PDE1C: variants seen among roughly 807,000 people sequenced by gnomAD.
PDE1C encodes phosphodiesterase 1C, also known as dual specificity calcium/calmodulin-dependent 3',5'-cyclic nucleotide phosphodiesterase 1C.
PDE1C carries 62 observed loss-of-function variants against 93.1 expected under a neutral mutation model. That is an observed-to-expected ratio of 0.67 (90% CI 0.54 to 0.82). PDE1C has a LOEUF of 0.82. Among genes scored for constraint, PDE1C ranks in the 40% least tolerant of loss-of-function variants. PDE1C has a pLI of 0.00. For synonymous variants in PDE1C, 325 were observed against 310.1 expected (o/e 1.05, Z -0.50); for missense variants, 742 against 884.6 (o/e 0.84, Z 2.04).
At chr7:31,948,152 C>A (rs1380013385) in intron 2 of PDE1C, among the ~76,000 whole-genome samples, 1 of 151,782 alleles carries the variant, frequency 6.6e-6, no homozygotes, top group Non-Finnish European at 1.5e-5. Context: ...GCTCACCAAG[C>A]AACAACTTGA....
At chr7:31,694,776 G>A in the PDE1C span, among the ~76,000 whole-genome samples, 1 of 152,070 alleles carries the variant, frequency 6.6e-6, no homozygotes, top group African/African-American at 2.4e-5. Flanking sequence ...TGATCAGATT[G>A]GATTCATTAC....
intron 1 of PDE1C, among the ~76,000 whole-genome samples, chr7:32,277,040 C>G (rs1221180116): frequency 1.3e-5 from 2 of 152,034 alleles, no homozygotes; most frequent in African/African-American, 4.8e-5. Context: ...ATCGCTTGAG[C>G]CCAGGAGTTA....
rs73308516 is a variant in PDE1C, at chr7:32,295,364, A to C, written c.85+3287T>G. Among the ~76,000 whole-genome samples, 833 of 152,118 alleles carry C rather than the reference A, an allele frequency of 5.5e-3. 1 individual carries two copies. The highest frequency in any genetic ancestry group is 0.019 in the African/African-American group (787 of 41,478). Reference sequence around the variant, plus strand: ...TCAGGGCAGATGTGGTTTGAATCCAACTCTGCCACCTAGCTGTGTGCCTTC... The same window carrying C: ...TCAGGGCAGATGTGGTTTGAATCCACCTCTGCCACCTAGCTGTGTGCCTTC... On this transcript the variant is annotated intron_variant, in intron 1 of 18. Transcript: ENST00000396193.
chr7:32,346,687 A>G (rs900597864), intron 1 of PDE1C, among the ~76,000 whole-genome samples: 4 of 152,240 alleles, frequency 2.6e-5, no homozygotes, highest in East Asian at 1.9e-4. Flanking sequence ...GGGACCTGGC[A>G]TCTTCATTTT....
rs1584610070 is a variant in PDE1C at position 32,051,644 on chromosome 7, A to T, written c.102-64T>A. On this transcript the variant is annotated intron_variant, in intron 1 of 17. Transcript: ENST00000396191. ...GTGGCAGGCAGTGGGTAAGAAAGGG[A>T]TTACTTCAGTGGGGATGGGCATGGG... 2.1e-6 allele frequency: 3 copies of T among 1,404,140 alleles called. No homozygotes were observed. The South Asian group carries it at 3.5e-5, about 16-fold the overall frequency. 87.0% of individuals were successfully genotyped at this position (1,404,140 alleles called of 1,614,324 possible).
At chr7:32,081,972 A>C (rs1211194677) in intron 3 of PDE1C, among the ~76,000 whole-genome samples, 1 of 152,218 alleles carries the variant, frequency 6.6e-6, no homozygotes, top group Non-Finnish European at 1.5e-5. Flanking sequence ...CATCTGAGGT[A>C]CCAGGTTCAT....
chr7:31,886,869 C>CA (rs1421145169), intron 2 of PDE1C, among the ~76,000 whole-genome samples: 1,086 of 149,856 alleles, frequency 7.2e-3, no homozygotes, highest in African/African-American at 0.014. Context: ...TAGATCTATT[C>CA]GGATCTATTC....
intron 3 of PDE1C, among the ~76,000 whole-genome samples, chr7:32,145,124 C>G (rs1409711146): frequency 6.6e-6 from 1 of 152,220 alleles, no homozygotes; most frequent in African/African-American, 2.4e-5. Context: ...ATGGTAGAAT[C>G]TGTTATAAGA....
chr7:31,796,301 A>G (rs1292369168), intron 16 of PDE1C, among the ~76,000 whole-genome samples: 1 of 151,566 alleles, frequency 6.6e-6, no homozygotes, highest in African/African-American at 2.4e-5. Flanking sequence ...GTGTACATAT[A>G]TATGTGTATG....
At chr7:31,939,206 C>G (rs542383027) in intron 2 of PDE1C, among the ~76,000 whole-genome samples, 7 of 151,834 alleles carry the variant, frequency 4.6e-5, no homozygotes, top group African/African-American at 1.2e-4. Context: ...GTTAAACACA[C>G]AGAGAGAGAG....
At chr7:32,187,192 C>T (rs1803939394) in intron 2 of PDE1C, among the ~76,000 whole-genome samples, 1 of 152,008 alleles carries the variant, frequency 6.6e-6, no homozygotes, top group Admixed American at 6.5e-5. Flanking sequence ...CAAGGTCTCA[C>T]TATGTCACCC....
chr7:32,317,243 T>C (rs1348817134), intron 1 of PDE1C, among the ~76,000 whole-genome samples: 1 of 152,212 alleles, frequency 6.6e-6, no homozygotes, highest in African/African-American at 2.4e-5. Context: ...GTTTTCTTTA[T>C]TCTCAACTCA....
chr7:32,046,001 G>A (rs1252091810), intron 2 of PDE1C, among the ~76,000 whole-genome samples: 1 of 152,168 alleles, frequency 6.6e-6, no homozygotes, highest in Non-Finnish European at 1.5e-5. Flanking sequence ...GGTTCATCAA[G>A]TGTGATTACT....
chr7:32,330,704 G>A (rs985291212), intron 1 of PDE1C, among the ~76,000 whole-genome samples: 9 of 152,132 alleles, frequency 5.9e-5, no homozygotes, highest in African/African-American at 1.7e-4. Context: ...GCCATGATTC[G>A]CTTCACTCTG....
chr7:31,946,798 G>A (rs200472194), intron 2 of PDE1C, among the ~76,000 whole-genome samples: 10 of 152,172 alleles, frequency 6.6e-5, no homozygotes, highest in East Asian at 3.9e-4. Flanking sequence ...GGACTTTGTC[G>A]CCCCCATGGC....
intron 1 of PDE1C, among the ~76,000 whole-genome samples, chr7:32,313,050 T>C (rs1031664335): frequency 6.7e-6 from 1 of 149,966 alleles, no homozygotes; most frequent in African/African-American, 2.5e-5. Flanking sequence ...CTCAAACAAA[T>C]TTACAAGAAA....
intron 1 of PDE1C, among the ~76,000 whole-genome samples, chr7:32,383,866 G>C (rs1784577792): frequency 6.6e-6 from 1 of 152,164 alleles, no homozygotes; most frequent in Non-Finnish European, 1.5e-5. Context: ...TGAAAGCCTT[G>C]GCAAGTTGCT....
At chr7:32,317,759 G>A (rs1338885309) in intron 1 of PDE1C, among the ~76,000 whole-genome samples, 1 of 152,114 alleles carries the variant, frequency 6.6e-6, no homozygotes, top group African/African-American at 2.4e-5. Context: ...ATGACCTTGG[G>A]CTCTGCCTCA....
chr7:32,061,603 C>T (rs1443020585), intron 1 of PDE1C, among the ~76,000 whole-genome samples: 1 of 152,240 alleles, frequency 6.6e-6, no homozygotes, highest in African/African-American at 2.4e-5. Context: ...GGCATGTGCC[C>T]TCTACCTCCC....
Sources: gnomAD v4.1 joint callset for allele counts (sites outside exome capture counted in the v4.1 genomes callset) on GRCh38, gnomAD v4.1.1 for gene constraint, MANE v1.5 for transcripts, NCBI Gene and HGNC (gene_info 2026-07-23, HGNC 2026-07-21) for gene names.